The following FKBP9 variants were observed in gnomAD, a reference collection of about 807,000 sequenced individuals.
FKBP9 encodes the protein FKBP prolyl isomerase 9.
FKBP9 carries 27 observed loss-of-function variants against 55.6 expected under a neutral mutation model. That is an observed-to-expected ratio of 0.49 (90% CI 0.36 to 0.67). The LOEUF (loss-of-function observed/expected upper bound fraction) is 0.67. FKBP9 is among the 30% of genes least tolerant of loss of function. FKBP9 has a pLI of 0.00. For synonymous variants in FKBP9, 267 were observed against 296.5 expected, an observed-to-expected ratio of 0.90 and a Z score of 1.02; for missense variants, 539 against 742.8, an observed-to-expected ratio of 0.73 and a Z score of 3.19.
intron 5 of FKBP9, among the ~76,000 whole-genome samples, chr7:32,982,651 T>A (rs1275182164): frequency 3.3e-5 from 5 of 152,362 alleles, no homozygotes; most frequent in Middle Eastern, 3.4e-3. Context: ...CCAGTGTGGT[T>A]CTGTTCTTTA....
intron 1 of FKBP9, among the ~76,000 whole-genome samples, chr7:32,962,499 C>T (rs1784046066): frequency 6.6e-6 from 1 of 151,956 alleles, no homozygotes; most frequent in South Asian, 2.1e-4. Context: ...TTTGAGACAG[C>T]GTCTCACTTT....
chr7:32,965,812 AATATATATATATATATAT>A (rs57598279), intron 1 of FKBP9, among the ~76,000 whole-genome samples: 1 of 34,936 alleles, frequency 2.9e-5, no homozygotes, highest in Non-Finnish European at 5.0e-5. Flanking sequence ...AAAAAAAAAA[AATATATATATATATATAT>A]ATATATATAT....
intron 6 of FKBP9, among the ~76,000 whole-genome samples, chr7:32,994,351 G>A (rs570642243): frequency 2.0e-5 from 3 of 152,306 alleles, no homozygotes; most frequent in Admixed American, 6.5e-5. Flanking sequence ...ACAGTATGTG[G>A]CCTTTTGTGT....
In FKBP9 at chr7:32,957,679, C is replaced by G. The variant is rs1023833532; in HGVS notation, c.106C>G (p.Leu36Val). ...PVAGLGSDAE[L>V]QIERRFVPDE... ...GGCGGGCCTGGGCTCCGACGCGGAG[C>G]TGCAGATCGAGCGGCGCTTCGTGCC... The change falls in exon 1 of 10, where the codon CTG (leucine) becomes GTG (valine). Residue 36 changes from leucine (L) to valine (V), a missense_variant. Leu to Val is a conservative substitution (Grantham distance 32). Transcript: ENST00000242209. 1.3e-6 allele frequency: 2 copies of G among 1,524,630 alleles called. No homozygotes were observed. Among genetic ancestry groups the G allele is most frequent in the African/African-American group, 2.9e-5 (2 of 69,492 alleles). 94.4% of individuals were successfully genotyped at this position (1,524,630 alleles called of 1,614,324 possible).
chr7:32,969,311 T>A (rs998969566), intron 1 of FKBP9, among the ~76,000 whole-genome samples: 1 of 152,106 alleles, frequency 6.6e-6, no homozygotes, highest in Non-Finnish European at 1.5e-5. Context: ...CAATCCAATG[T>A]CATGATGCTT....
intron 9 of FKBP9, among the ~76,000 whole-genome samples, chr7:33,003,667 C>T (rs187571944): frequency 2.6e-4 from 40 of 152,290 alleles, no homozygotes; most frequent in African/African-American, 9.6e-4. Flanking sequence ...TTCAACACAG[C>T]TGATTCCCCT....
chr7:32,998,318 A>G (rs1172060925), intron 7 of FKBP9, among the ~76,000 whole-genome samples: 1 of 151,994 alleles, frequency 6.6e-6, no homozygotes, highest in Non-Finnish European at 1.5e-5. Flanking sequence ...CTGTCCGCTG[A>G]TCCTGAGGCT....
chr7:32,999,897 T>C (rs971168032), intron 7 of FKBP9, among the ~76,000 whole-genome samples: 1 of 152,142 alleles, frequency 6.6e-6, no homozygotes. Context: ...TCCACAGTCT[T>C]GCCTGGATTT....
intron 1 of FKBP9, among the ~76,000 whole-genome samples, chr7:32,958,448 A>G (rs1231270459): frequency 1.3e-5 from 2 of 152,156 alleles, no homozygotes; most frequent in African/African-American, 4.8e-5. Context: ...GTTTAATCCA[A>G]CTCCAGAGTC....
At chr7:32,986,191 C>T (rs1225779353) in intron 5 of FKBP9, among the ~76,000 whole-genome samples, 1 of 152,208 alleles carries the variant, frequency 6.6e-6, no homozygotes, top group Non-Finnish European at 1.5e-5. Flanking sequence ...TTGGCCCTTG[C>T]TGCCAGACCA....
chr7:32,966,111 T>G (rs1784141831), intron 1 of FKBP9, among the ~76,000 whole-genome samples: 1 of 140,200 alleles, frequency 7.1e-6, no homozygotes, highest in Admixed American at 7.4e-5. Context: ...GAGAATTGCT[T>G]GAACATGAGA....
intron 6 of FKBP9, among the ~76,000 whole-genome samples, chr7:32,990,534 G>A (rs867871000): frequency 6.6e-6 from 1 of 152,144 alleles, no homozygotes; most frequent in African/African-American, 2.4e-5. Flanking sequence ...ATGTCCTTCT[G>A]TACCTTTGAG....
chr7:33,005,761 T>G lies in FKBP9; in HGVS notation c.*410T>G. The G allele has an allele frequency of 4.3e-6, 1 of 235,110 alleles. No individual in the cohort carries two copies. Among genetic ancestry groups the G allele is most frequent in the South Asian group, 1.7e-4 (1 of 5,792 alleles). The allele number at this position is 235,110 out of a possible 1,614,324, so 14.6% of individuals were successfully genotyped here. Reference sequence around the variant, plus strand: ...GTTAAATTTTTTTTTAACTTGCTGGTTAAAACATTTTAGAAATATTCTAGA... The same window carrying G: ...GTTAAATTTTTTTTTAACTTGCTGGGTAAAACATTTTAGAAATATTCTAGA... On this transcript the variant is annotated 3_prime_UTR_variant, in exon 10 of 10. Coordinates refer to ENST00000242209, the MANE Select transcript of FKBP9 (RefSeq NM_007270.5).
chr7:33,002,621 G>T, intron 8 of FKBP9, 55 bp from the exon 9 acceptor site: 2 of 1,593,586 alleles, frequency 1.3e-6, no homozygotes, highest in Non-Finnish European at 1.7e-6. Flanking sequence ...CTGGTTGTTG[G>T]GCTTGACTGC....
intron 1 of FKBP9, among the ~76,000 whole-genome samples, chr7:32,959,036 C>G (rs1783962902): frequency 6.6e-6 from 1 of 152,040 alleles, no homozygotes. Context: ...TATACAAAAG[C>G]TGTTCAGCAT....
At chr7:32,997,393 T>C (rs1784838951) in intron 7 of FKBP9, among the ~76,000 whole-genome samples, 1 of 151,388 alleles carries the variant, frequency 6.6e-6, no homozygotes, top group South Asian at 2.1e-4. Context: ...TTAAAATTTT[T>C]TTAGAGATGG....
At position 33,005,406 on chromosome 7, in the gene FKBP9, G is replaced by GGCAAGACGT. The variant is rs1785017482; in HGVS notation, c.*59_*67dup. On this transcript the variant is annotated 3_prime_UTR_variant, in exon 10 of 10. Transcript: ENST00000242209. ...GTACGTGACACCAAGCCACCTGTGTGGCAAGACGTGCAGTGAGGGTGCAAG... is the reference window on the plus strand; with the variant it reads ...GTACGTGACACCAAGCCACCTGTGTGGCAAGACGTGCAAGACGTGCAGTGAGGGTGCAAG... The GGCAAGACGT allele has an allele frequency of 1.9e-6, 3 of 1,596,942 alleles. No individual in the cohort carries two copies. The highest frequency in any genetic ancestry group is 2.6e-6 in the Non-Finnish European group (3 of 1,168,990).
intron 1 of FKBP9, among the ~76,000 whole-genome samples, chr7:32,970,464 G>A (rs1427788671): frequency 6.6e-6 from 1 of 151,984 alleles, no homozygotes; most frequent in African/African-American, 2.4e-5. Context: ...CCAAAGTGCA[G>A]GGATTACATG....
At chr7:32,979,421 A>G in intron 4 of FKBP9, 1 of 1,023,382 alleles carries the variant, frequency 9.8e-7, no homozygotes, top group Non-Finnish European at 1.5e-6. Flanking sequence ...CTTGCATTCC[A>G]GGGGCTGACT....
Sources: allele counts gnomAD v4.1 joint callset (sites outside exome capture counted in the v4.1 genomes callset), GRCh38; gene constraint gnomAD v4.1.1; transcripts MANE v1.5; gene names NCBI Gene and HGNC (gene_info 2026-07-23, HGNC 2026-07-21).